Variants in RALA observed in about 807,000 individuals in gnomAD.
The protein encoded by RALA is ras-related protein Ral-A.
In RALA, 5 loss-of-function variants were observed where a neutral mutation model predicts 24.0. That is an observed-to-expected ratio of 0.21 (90% CI 0.11 to 0.44). The LOEUF (loss-of-function observed/expected upper bound fraction) is 0.44. Ranked by LOEUF, RALA falls within the 20% of genes least tolerant of loss-of-function variation. The probability of loss-of-function intolerance (pLI) is 0.99; values close to 1 mark genes in which losing one functional copy is unlikely to be tolerated. For synonymous variants in RALA, 77 were observed against 83.8 expected, an observed-to-expected ratio of 0.92 and a Z score of 0.44; for missense variants, 95 against 241.2, an observed-to-expected ratio of 0.39 and a Z score of 4.01.
chr7:39,663,239 T>A (rs138622909), intron 1 of RALA, among the ~76,000 whole-genome samples: 11 of 152,276 alleles, frequency 7.2e-5, no homozygotes, highest in African/African-American at 2.6e-4. Context: ...TGTAAACCAA[T>A]GTAAAGATTC....
At chr7:39,681,088 C>T (rs191329212) in intron 1 of RALA, among the ~76,000 whole-genome samples, 1 of 152,190 alleles carries the variant, frequency 6.6e-6, no homozygotes, top group Non-Finnish European at 1.5e-5. Flanking sequence ...GAACTTTGCT[C>T]CTAGAGTTCA....
rs535426028 is a variant in RALA at position 39,651,608 on chromosome 7, C to A, written c.-38+27783C>A. ...TTTTTTTTCCTGATTACAAAAGTAA[C>A]ATTTGTGGTAGAAAACTGGAATACA... On this transcript the variant is annotated intron_variant, in intron 1 of 4. Coordinates refer to ENST00000005257, the MANE Select transcript of RALA (RefSeq NM_005402.4). Among the ~76,000 whole-genome samples, 3 of 151,300 alleles carry A rather than the reference C, an allele frequency of 2.0e-5. No individual in the cohort carries two copies. In the East Asian group the frequency reaches 5.8e-4, roughly 29 times the overall value.
chr7:39,693,247 G>A (rs900551543), intron 3 of RALA, among the ~76,000 whole-genome samples: 4 of 152,130 alleles, frequency 2.6e-5, no homozygotes, highest in South Asian at 2.1e-4. Flanking sequence ...CATAAAAAAG[G>A]ATGAGTTCAT....
In RALA at chr7:39,698,262, G is replaced by T. The variant is rs147755919; in HGVS notation, c.498+1403G>T. ...TATTGCCATCACATAAGGAATTCGG[G>T]TTTCAGTATATGAATTTTGGGGTGA... On this transcript the variant is annotated intron_variant, in intron 4 of 4. Transcript: ENST00000005257. Among the ~76,000 whole-genome samples the T allele has an allele frequency of 4.8e-3, 734 of 152,168 alleles. 7 individuals carry two copies. Among genetic ancestry groups the T allele is most frequent in the African/African-American group, 0.016 (674 of 41,508 alleles).
intron 1 of RALA, among the ~76,000 whole-genome samples, chr7:39,627,794 C>A (rs1333761061): frequency 1.3e-5 from 2 of 152,188 alleles, no homozygotes; most frequent in Non-Finnish European, 2.9e-5. Context: ...GGTTGGAACC[C>A]ATCTGATACT....
chr7:39,686,083 G>A (rs1180027895), intron 1 of RALA, among the ~76,000 whole-genome samples: 1 of 152,004 alleles, frequency 6.6e-6, no homozygotes, highest in Non-Finnish European at 1.5e-5. Flanking sequence ...GTGCGCGCTT[G>A]TAGTCCCAGC....
chr7:39,629,827 C>T (rs1247691673), intron 1 of RALA, among the ~76,000 whole-genome samples: 1 of 152,146 alleles, frequency 6.6e-6, no homozygotes, highest in Non-Finnish European at 1.5e-5. Flanking sequence ...GATCTCCTGA[C>T]CTCGTGATCC....
intron 1 of RALA, among the ~76,000 whole-genome samples, chr7:39,671,080 A>C (rs1313839414): frequency 6.6e-6 from 1 of 151,326 alleles, no homozygotes; most frequent in Non-Finnish European, 1.5e-5. Flanking sequence ...TTTTTTTCTT[A>C]ATATCTTTTA....
intron 3 of RALA, among the ~76,000 whole-genome samples, chr7:39,695,514 CG>C (rs965894150): frequency 4.0e-5 from 6 of 151,544 alleles, no homozygotes; most frequent in Admixed American, 6.6e-5. Flanking sequence ...TGGGCTCAAG[CG>C]ATCTTCCTGA....
chr7:39,673,883 C>T lies in RALA; in HGVS notation c.-37-12748C>T, dbSNP rs186472440. Among the ~76,000 whole-genome samples, 24 of 152,094 alleles carry T rather than the reference C, an allele frequency of 1.6e-4. No homozygotes were observed. In the East Asian group the frequency reaches 3.9e-3, roughly 24 times the overall value. On this transcript the variant is annotated intron_variant, in intron 1 of 4. Transcript: ENST00000005257. ...GGTTGGCCAGACCTAGTGGCTCAAACTTATAATCCCAGCACTTTGGAAGGC... is the reference window on the plus strand; with the variant it reads ...GGTTGGCCAGACCTAGTGGCTCAAATTTATAATCCCAGCACTTTGGAAGGC...
At chr7:39,656,960 G>T (rs1179736019) in intron 1 of RALA, among the ~76,000 whole-genome samples, 3 of 151,926 alleles carry the variant, frequency 2.0e-5, no homozygotes, top group African/African-American at 7.3e-5. Flanking sequence ...GTTTGTTTTT[G>T]TGTTTTTTTG....
chr7:39,641,287 T>C (rs1791811958), intron 1 of RALA, among the ~76,000 whole-genome samples: 2 of 152,238 alleles, frequency 1.3e-5, no homozygotes, highest in African/African-American at 4.8e-5. Context: ...ATATTTATTT[T>C]CTGATTAATT....
chr7:39,685,583 A>C (rs1792685434), intron 1 of RALA, among the ~76,000 whole-genome samples: 1 of 152,004 alleles, frequency 6.6e-6, no homozygotes, highest in Non-Finnish European at 1.5e-5. Context: ...GCCGAAGGTC[A>C]CTACAACTTC....
At chr7:39,683,296 T>A (rs1233158970) in intron 1 of RALA, among the ~76,000 whole-genome samples, 1 of 152,126 alleles carries the variant, frequency 6.6e-6, no homozygotes, top group Non-Finnish European at 1.5e-5. Flanking sequence ...ACTCCCACCC[T>A]CTTCTAAGTT....
chr7:39,693,516 C>T (rs781631049), intron 3 of RALA, among the ~76,000 whole-genome samples: 17 of 152,130 alleles, frequency 1.1e-4, no homozygotes, highest in South Asian at 2.1e-4. Context: ...ATGTATACCT[C>T]GGTAACAAAC....
At chr7:39,665,375 C>T (rs564189151) in intron 1 of RALA, among the ~76,000 whole-genome samples, 2 of 152,158 alleles carry the variant, frequency 1.3e-5, no homozygotes, top group South Asian at 4.1e-4. Flanking sequence ...GTATATAATA[C>T]ATATAACATA....
intron 4 of RALA, among the ~76,000 whole-genome samples, chr7:39,699,130 T>A (rs1035917823): frequency 1.8e-5 from 2 of 112,136 alleles, no homozygotes; most frequent in Admixed American, 8.3e-5. Flanking sequence ...TATTTTTTTT[T>A]TTTTTTTTTT....
chr7:39,663,430 T>A (rs767155635), intron 1 of RALA, among the ~76,000 whole-genome samples: 2 of 152,184 alleles, frequency 1.3e-5, no homozygotes, highest in Non-Finnish European at 2.9e-5. Context: ...GTAGTGTTTG[T>A]ACAACACTGT....
intron 3 of RALA, 36 bp from the exon 4 acceptor site, chr7:39,696,649 A>G: frequency 6.6e-7 from 1 of 1,511,956 alleles, no homozygotes; most frequent in Non-Finnish European, 9.0e-7. Flanking sequence ...CTATCCTTAT[A>G]ATGTTAATAT....
Sources: allele counts gnomAD v4.1 joint callset (sites outside exome capture counted in the v4.1 genomes callset), GRCh38; gene constraint gnomAD v4.1.1; transcripts MANE v1.5; gene names NCBI Gene and HGNC (gene_info 2026-07-23, HGNC 2026-07-21).